SCUBE2: variants seen among roughly 807,000 people sequenced by gnomAD.
SCUBE2 encodes signal peptide, CUB domain and EGF like domain containing 2.
In SCUBE2, 114 loss-of-function variants were observed where a neutral mutation model predicts 125.9. That is an observed-to-expected ratio of 0.91 (90% CI 0.78 to 1.06). The LOEUF (loss-of-function observed/expected upper bound fraction) is 1.06. SCUBE2 is among the 50% of genes least tolerant of loss of function. SCUBE2 has a pLI of 0.00. For synonymous variants in SCUBE2, 459 were observed against 492.9 expected (o/e 0.93, Z 0.91); for missense variants, 1,255 against 1,301.8 (o/e 0.96, Z 0.55).
chr11:9,024,309 GCT>G, intron 21 of SCUBE2: 69 of 1,190,200 alleles, frequency 5.8e-5, no homozygotes, highest in Non-Finnish European at 7.3e-5. Flanking sequence ...GGTAGATGAG[GCT>G]CTCTGTCTCT....
chr11:9,055,810 C>A lies in SCUBE2; in HGVS notation c.1190G>T (p.Gly397Val). 1 of 1,614,064 alleles carries A rather than the reference C, an allele frequency of 6.2e-7. No homozygotes were observed. Among genetic ancestry groups the A allele is most frequent in the Non-Finnish European group, 8.5e-7 (1 of 1,179,960 alleles). ...CACNRGYTLYGFTHCGDTNEC... is the reference protein window; with the variant it reads ...CACNRGYTLYVFTHCGDTNEC... ...CTGCTCACCTCCACAGTGGGTGAAG[C>A]CATACAGGGTGTACCCTCGGTTGCA... Residue 397 changes from glycine to valine, a missense_variant, in exon 10 of 23, where the codon GGC becomes GTC. Physicochemically the swap from Gly to Val is moderately radical, Grantham distance 109. This residue lies in a region of SCUBE2 where 378 missense variants were observed against 463.1 expected (regional missense o/e 0.82). Coordinates refer to ENST00000649792, the MANE Select transcript of SCUBE2 (RefSeq NM_001367977.2).
At chr11:9,088,615 A>C (rs1862327336) in intron 2 of SCUBE2, among the ~76,000 whole-genome samples, 1 of 152,218 alleles carries the variant, frequency 6.6e-6, no homozygotes, top group Non-Finnish European at 1.5e-5. Flanking sequence ...TATTCAGAAG[A>C]TCAATTCCCA....
In SCUBE2 at chr11:9,053,750, T is replaced by C; in HGVS notation, c.1217A>G (p.Glu406Gly). ...YGFTHCGDTN[E>G]CSINNGGCQQ... ...ACAGCCTCCGTTGTTGATGCTGCACTCATTGGTGTCTGTGGAACAAAATAC... is the reference window on the plus strand; with the variant it reads ...ACAGCCTCCGTTGTTGATGCTGCACCCATTGGTGTCTGTGGAACAAAATAC... Residue 406 changes from glutamate to glycine, a missense_variant, in exon 11 of 23, where the codon GAG becomes GGG. Glu to Gly is a moderately conservative substitution (Grantham distance 98). Around this residue, in one of 3 missense-constraint regions of SCUBE2, gnomAD observed 378 missense variants for 463.1 expected, o/e 0.82. Coordinates refer to ENST00000649792, the MANE Select transcript of SCUBE2 (RefSeq NM_001367977.2). The C allele has an allele frequency of 6.2e-7, 1 of 1,612,888 alleles. No homozygotes were observed. Among genetic ancestry groups the C allele is most frequent in the Non-Finnish European group, 8.5e-7 (1 of 1,179,072 alleles).
intron 16 of SCUBE2, among the ~76,000 whole-genome samples, chr11:9,041,576 C>T (rs1438127679): frequency 6.6e-6 from 1 of 152,040 alleles, no homozygotes; most frequent in East Asian, 1.9e-4. Flanking sequence ...AGAGAGGATG[C>T]CTCATGAGGA....
At chr11:9,069,193 T>C (rs1860536213) in intron 5 of SCUBE2, among the ~76,000 whole-genome samples, 177 bp downstream of exon 5, 2 of 152,232 alleles carry the variant, frequency 1.3e-5, no homozygotes, top group Non-Finnish European at 2.9e-5. Flanking sequence ...TTCCCTTCCC[T>C]AAGGGAGACC....
intron 2 of SCUBE2, among the ~76,000 whole-genome samples, chr11:9,084,303 T>C (rs1214099504): frequency 6.6e-6 from 1 of 152,194 alleles, no homozygotes; most frequent in Non-Finnish European, 1.5e-5. Context: ...TATAAATTAA[T>C]AAATAAGTGG....
chr11:9,074,485 C>A lies in SCUBE2; in HGVS notation c.513G>T (p.Ser171=). 1 of 1,614,104 alleles carries A rather than the reference C, an allele frequency of 6.2e-7. No homozygotes were observed. Among genetic ancestry groups the A allele is most frequent in the Non-Finnish European group, 8.5e-7 (1 of 1,179,980 alleles). Residue 171 remains serine, a synonymous_variant, in exon 4 of 23, where the codon TCG becomes TCT. Transcript: ENST00000649792. ...SDNQHTCIHR[S]EEGLSCMNKD... ...TCCACAGCTGGGCAGAGGTACCTTC[C>A]GAGCGGTGAATGCAGGTGTGCTGAT...
intron 3 of SCUBE2, among the ~76,000 whole-genome samples, chr11:9,077,232 C>A (rs1302361917): frequency 6.6e-6 from 1 of 152,220 alleles, no homozygotes; most frequent in Non-Finnish European, 1.5e-5. Flanking sequence ...TCCAGAGATA[C>A]TGACAGAGCC....
At chr11:9,035,108 T>A (rs765512958) in intron 16 of SCUBE2, among the ~76,000 whole-genome samples, 2 of 152,248 alleles carry the variant, frequency 1.3e-5, no homozygotes, top group African/African-American at 4.8e-5. Context: ...TTGTACCTTA[T>A]GTTAGGCTAT....
chr11:9,029,878 A>T lies in SCUBE2; in HGVS notation c.2503+6T>A. 3.1e-6 allele frequency: 5 copies of T among 1,614,178 alleles called. No individual in the cohort carries two copies. Among genetic ancestry groups the T allele is most frequent in the Non-Finnish European group, 3.4e-6 (4 of 1,180,012 alleles). On this transcript the variant is annotated splice_donor_region_variant and intron_variant, in intron 19 of 22. Transcript: ENST00000649792. ...GAACTATGAAAAGCCTTAGAGAGGGACCTACTTTTACACTGGGTTATGTTT... is the reference window on the plus strand; with the variant it reads ...GAACTATGAAAAGCCTTAGAGAGGGTCCTACTTTTACACTGGGTTATGTTT...
rs924332764 is a variant in SCUBE2 at position 9,067,846 on chromosome 11, C to T, written c.644-1033G>A. ...GACATTTAAAATCTTTAAAAACAAG[C>T]TTACAGGTGCCCACCCCCCCGCCCC... On this transcript the variant is annotated intron_variant, in intron 5 of 22. Coordinates refer to ENST00000649792, the MANE Select transcript of SCUBE2 (RefSeq NM_001367977.2). 9.9e-5 allele frequency among the ~76,000 whole-genome samples: 15 copies of T among 151,520 alleles called. No homozygotes were observed. The East Asian group carries it at 2.5e-3, about 26-fold the overall frequency.
At chr11:9,029,739 G>T (rs1856123756) in intron 19 of SCUBE2, 145 bp downstream of exon 19, 1 of 845,944 alleles carries the variant, frequency 1.2e-6, no homozygotes, top group East Asian at 2.4e-5. Context: ...CTCCATGCTG[G>T]TCTGCATGGC....
rs1489119839 is a variant in SCUBE2 at position 9,020,119 on chromosome 11, C to T, written c.*926G>A. On this transcript the variant is annotated 3_prime_UTR_variant, in exon 23 of 23. Coordinates refer to ENST00000649792, the MANE Select transcript of SCUBE2 (RefSeq NM_001367977.2). ...ACAGGCTGGGCCTCACCACACCCAC[C>T]TGGACCTCAGATCCCTTGTGATGGG... Among the ~76,000 whole-genome samples, 1 of 152,218 alleles carries T rather than the reference C, an allele frequency of 6.6e-6. No homozygotes were observed. Among genetic ancestry groups the T allele is most frequent in the Non-Finnish European group, 1.5e-5 (1 of 68,044 alleles).
Position 9,053,190 on chromosome 11 carries a change from A to C in SCUBE2, c.1356T>G (p.Ser452Arg), listed in dbSNP as rs1433478839. The C allele has an allele frequency of 1.2e-6, 2 of 1,614,164 alleles. No homozygotes were observed. Among genetic ancestry groups the C allele is most frequent in the Non-Finnish European group, 1.7e-6 (2 of 1,180,002 alleles). The change falls in exon 12 of 23, where the codon AGT becomes AGG. Residue 452 changes from serine (S) to arginine (R), a missense_variant. By Grantham distance (110) the Ser-to-Arg change is moderately radical. Transcript: ENST00000649792. The stretch of plus-strand genomic sequence containing the variant: ...AGTGCAGGGACACACGGGGTGACAC[A>C]CTTGTGGGCAGGAGCCCCTTCACTT... ...CVEVKGLLPT[S>R]VSPRVSLHCG...
At chr11:9,055,995 C>G in intron 9 of SCUBE2, 86 bp from the exon 10 acceptor site, 5 of 990,998 alleles carry the variant, frequency 5.0e-6, no homozygotes, top group Non-Finnish European at 8.1e-6. Flanking sequence ...CAGTTGCTGA[C>G]CAACACCAAA....
At chr11:9,057,091 C>A (rs556832667) in intron 9 of SCUBE2, 2 of 152,304 alleles carry the variant, frequency 1.3e-5, no homozygotes, top group South Asian at 4.1e-4. Context: ...GGAATTGATG[C>A]CATTTTATGA....
intron 17 of SCUBE2, chr11:9,031,200 G>A (rs565772215): frequency 7.5e-5 from 23 of 307,514 alleles, no homozygotes; most frequent in Middle Eastern, 8.6e-4. Context: ...GGAAGGCCTG[G>A]GTAGTTCTCA....
At chr11:9,047,688 AG>A in intron 15 of SCUBE2, 126 bp from the exon 16 acceptor site, 2 of 1,017,882 alleles carry the variant, frequency 2.0e-6, no homozygotes, top group Admixed American at 4.4e-5. Flanking sequence ...AGAAACCTGG[AG>A]GGGGCACCTA....
Position 9,091,444 on chromosome 11 carries a change from C to CCAGCAGCAGCAGTGGCGG in SCUBE2, c.67_84dup (p.Pro23_Leu28dup). On this transcript the variant is annotated inframe_insertion, in exon 1 of 23. Coordinates refer to ENST00000649792, the MANE Select transcript of SCUBE2 (RefSeq NM_001367977.2). This position sits in a 1 kb window ranked among gnomAD's most constrained non-coding sequence, Gnocchi z 8.5. ...CCCCGACCCGGCGGGACGGCCCCCG[C>CCAGCAGCAGCAGTGGCGG]CAGCAGCAGCAGTGGCGGCAGCAGC... is the stretch of plus-strand genomic sequence containing the variant. 7.5e-7 allele frequency: 1 copy of CCAGCAGCAGCAGTGGCGG among 1,331,108 alleles called. No individual in the cohort carries two copies. The highest frequency in any genetic ancestry group is 1.8e-5 in the South Asian group (1 of 54,426). The allele number at this position is 1,331,108 out of a possible 1,614,324, so 82.5% of individuals were successfully genotyped here.
Sources: allele counts gnomAD v4.1 joint callset (sites outside exome capture counted in the v4.1 genomes callset), GRCh38; gene constraint gnomAD v4.1.1; regional missense constraint gnomAD v4.1.1; non-coding constraint Gnocchi (gnomAD v3.1); transcripts MANE v1.5; gene names NCBI Gene and HGNC (gene_info 2026-07-23, HGNC 2026-07-21).